The following MAF variants were observed in gnomAD, a reference collection of about 807,000 sequenced individuals.
MAF encodes the protein transcription factor Maf.
Under a neutral mutation model 22.0 loss-of-function variants are expected in MAF, and 10 were observed. The observed-to-expected ratio is 0.45, with a 90% CI of 0.28 to 0.77. The LOEUF (loss-of-function observed/expected upper bound fraction) is 0.77. MAF is among the 30% of genes least tolerant of loss of function. The pLI is 0.12. For missense variants in MAF, 544 were observed against 548.4 expected, an observed-to-expected ratio of 0.99 and a Z score of 0.08; for synonymous variants, 337 against 255.8, an observed-to-expected ratio of 1.32 and a Z score of -3.03.
the MAF span, among the ~76,000 whole-genome samples, chr16:79,534,881 T>G: frequency 6.6e-6 from 1 of 152,200 alleles, no homozygotes; most frequent in South Asian, 2.1e-4. Context: ...GGTTCCTCTC[T>G]GGACAGTGTG....
At chr16:79,458,345 T>C in the MAF span, among the ~76,000 whole-genome samples, 5 of 152,160 alleles carry the variant, frequency 3.3e-5, no homozygotes. Flanking sequence ...AGTGGATTTT[T>C]CAGTCACTCT....
the MAF span, chr16:79,211,618 C>T: frequency 3.7e-6 from 6 of 1,614,198 alleles, no homozygotes; most frequent in Non-Finnish European, 5.1e-6. Context: ...CAACAGGGAG[C>T]TGCCACCACC....
chr16:79,532,756 G>A, the MAF span, among the ~76,000 whole-genome samples: 1 of 152,154 alleles, frequency 6.6e-6, no homozygotes, highest in South Asian at 2.1e-4. Context: ...GTAGTGCCAG[G>A]CCTAGAAGAT....
chr16:79,235,052 C>T, the MAF span, among the ~76,000 whole-genome samples: 2 of 152,120 alleles, frequency 1.3e-5, no homozygotes, highest in Admixed American at 6.6e-5. Flanking sequence ...GATCAGCTGA[C>T]CCTCAGCTTA....
At chr16:79,325,505 G>C in the MAF span, among the ~76,000 whole-genome samples, 1 of 151,970 alleles carries the variant, frequency 6.6e-6, no homozygotes, top group Non-Finnish European at 1.5e-5. Context: ...TGGAAAGCAG[G>C]ATTTGAATGT....
chr16:79,334,463 C>G, the MAF span, among the ~76,000 whole-genome samples: 30 of 152,252 alleles, frequency 2.0e-4, no homozygotes, highest in African/African-American at 7.2e-4. Context: ...AGGGACCTTT[C>G]TGGGAGCTGG....
the MAF span, among the ~76,000 whole-genome samples, chr16:79,423,822 C>T: frequency 1.0e-3 from 158 of 152,240 alleles, 2 homozygotes; most frequent in African/African-American, 3.5e-3. Context: ...AACCTAGCCT[C>T]CACCTTTCTA....
intron 1 of MAF, chr16:79,597,364 T>C (rs569701257): frequency 1.8e-4 from 183 of 1,037,330 alleles, no homozygotes; most frequent in Non-Finnish European, 2.1e-4. Context: ...CCAAAAAATA[T>C]AAAATAAAAA....
rs748965258 is a variant in MAF at position 79,599,765 on chromosome 16, G to A, written c.138C>T (p.Cys46=). 56 of 1,612,982 alleles carry A rather than the reference G, an allele frequency of 3.5e-5. 1 individual carries two copies. The highest frequency in any genetic ancestry group is 1.7e-4 in the Admixed American group (10 of 60,012). Residue 46 remains cysteine, a synonymous_variant, in exon 1 of 2, where the codon TGC becomes TGT. Transcript: ENST00000326043. ...GCGAGCCCCCGGCGATGAGACGGCCGCACTGGCTGATGATGCGGTCGGTCT... is the reference window on the plus strand; with the variant it reads ...GCGAGCCCCCGGCGATGAGACGGCCACACTGGCTGATGATGCGGTCGGTCT... ...PVETDRIISQ[C]GRLIAGGSLS...
chr16:79,292,464 C>A, the MAF span, among the ~76,000 whole-genome samples: 1 of 152,170 alleles, frequency 6.6e-6, no homozygotes, highest in Non-Finnish European at 1.5e-5. Context: ...GCCTCTAGAA[C>A]TGAGAAAGAG....
chr16:79,331,042 G>T, the MAF span, among the ~76,000 whole-genome samples: 1 of 152,160 alleles, frequency 6.6e-6, no homozygotes, highest in African/African-American at 2.4e-5. Flanking sequence ...GGCTCAGATG[G>T]GAAATGGCTT....
chr16:79,577,253 G>T, the MAF span, among the ~76,000 whole-genome samples: 1 of 152,094 alleles, frequency 6.6e-6, no homozygotes, highest in African/African-American at 2.4e-5. Context: ...ACCCTACTGA[G>T]AAAAAGATGA....
At chr16:79,560,583 T>C in the MAF span, among the ~76,000 whole-genome samples, 3 of 152,278 alleles carry the variant, frequency 2.0e-5, no homozygotes, top group Non-Finnish European at 4.4e-5. Context: ...AGAAGGTCTT[T>C]TTTTTTTCTT....
chr16:79,552,274 A>G, the MAF span, among the ~76,000 whole-genome samples: 3 of 151,618 alleles, frequency 2.0e-5, no homozygotes, highest in Non-Finnish European at 2.9e-5. Flanking sequence ...AGTGCAGTTC[A>G]GCAACCATGG....
chr16:79,566,403 C>A, the MAF span, among the ~76,000 whole-genome samples: 1 of 152,184 alleles, frequency 6.6e-6, no homozygotes, highest in Admixed American at 6.5e-5. Context: ...TACTGCAAGA[C>A]CCCCAGTCCT....
the MAF span, among the ~76,000 whole-genome samples, chr16:79,546,604 T>C: frequency 6.6e-6 from 1 of 152,200 alleles, no homozygotes. Context: ...TAACTCATTC[T>C]TTGAAGAAGG....
At position 79,599,299 on chromosome 16, in the gene MAF, C is replaced by G. The variant is rs1206789868; in HGVS notation, c.604G>C (p.Ala202Pro). The G allele has an allele frequency of 2.0e-6, 2 of 980,366 alleles. No homozygotes were observed. Among genetic ancestry groups the G allele is most frequent in the African/African-American group, 3.5e-5 (2 of 56,416 alleles). The allele number at this position is 980,366 out of a possible 1,614,324, so 60.7% of individuals were successfully genotyped here. ...GCCGAGGCGGCCGCGCTGCCCGCGGCGCCGGGCGCGCCGGCCGTCGGGTGG... is the reference window on the plus strand; with the variant it reads ...GCCGAGGCGGCCGCGCTGCCCGCGGGGCCGGGCGCGCCGGCCGTCGGGTGG... ...HHHPTAGAPGAAGSAAASAGG... is the reference protein window; with the variant it reads ...HHHPTAGAPGPAGSAAASAGG... Residue 202 changes from alanine to proline, a missense_variant, in exon 1 of 2, where the codon GCC becomes CCC. By Grantham distance (27) the Ala-to-Pro change is conservative. Coordinates refer to ENST00000326043, the MANE Select transcript of MAF (RefSeq NM_005360.5).
the MAF span, among the ~76,000 whole-genome samples, chr16:79,254,250 C>T: frequency 6.6e-6 from 1 of 152,006 alleles, no homozygotes; most frequent in Non-Finnish European, 1.5e-5. Context: ...TCATTCTCTC[C>T]CTGCCTCTTT....
the MAF span, among the ~76,000 whole-genome samples, chr16:79,557,444 A>G: frequency 7.9e-5 from 12 of 152,178 alleles, no homozygotes; most frequent in Non-Finnish European, 1.3e-4. Flanking sequence ...AGATCCCCCA[A>G]TAGAGTCAGC....
Sources: gnomAD v4.1 joint callset for allele counts (sites outside exome capture counted in the v4.1 genomes callset) on GRCh38, gnomAD v4.1.1 for gene constraint, MANE v1.5 for transcripts, NCBI Gene and HGNC (gene_info 2026-07-23, HGNC 2026-07-21) for gene names.